The following KCNQ1 variants were observed in gnomAD, a reference collection of about 807,000 sequenced individuals.
KCNQ1 encodes potassium voltage-gated channel subfamily Q member 1, also known as potassium voltage-gated channel subfamily KQT member 1.
Under a neutral mutation model 72.4 loss-of-function variants are expected in KCNQ1, and 49 were observed. The ratio of observed to expected loss-of-function variants is 0.68; its 90% confidence interval spans 0.54 to 0.86. The LOEUF (loss-of-function observed/expected upper bound fraction) is 0.86. Ranked by LOEUF, KCNQ1 falls within the 40% of genes least tolerant of loss-of-function variation. The pLI is 0.00. For missense variants in KCNQ1, 790 were observed against 945.1 expected, an observed-to-expected ratio of 0.84 and a Z score of 2.15; for synonymous variants, 450 against 412.6, an observed-to-expected ratio of 1.09 and a Z score of -1.10.
intron 15 of KCNQ1, among the ~76,000 whole-genome samples, chr11:2,825,958 G>A (rs979242790): frequency 6.6e-6 from 1 of 152,142 alleles, no homozygotes; most frequent in Admixed American, 6.5e-5. Context: ...TGTCCCCATT[G>A]GCATGGTCTC....
chr11:2,527,124 G>A (rs993702690), intron 1 of KCNQ1, among the ~76,000 whole-genome samples: 3 of 152,196 alleles, frequency 2.0e-5, no homozygotes, highest in Admixed American at 1.3e-4. Flanking sequence ...TTTTCTCTGC[G>A]GGCCCACAGG....
chr11:2,471,705 GGT>G lies in KCNQ1; in HGVS notation c.386+26228_386+26229del, dbSNP rs922474195. Among the ~76,000 whole-genome samples, 156 of 149,962 alleles carry G rather than the reference GGT, an allele frequency of 1.0e-3. No homozygotes were observed. The highest frequency in any genetic ancestry group is 3.8e-3 in the African/African-American group (153 of 40,480). Reference sequence around the variant, plus strand: ...GTGTATGGGTGTGCATGTGTGTATAGGTGTGTGTATGTGTGCATGGGCGTGTG... The same window carrying G: ...GTGTATGGGTGTGCATGTGTGTATAGGTGTGTATGTGTGCATGGGCGTGTG... On this transcript the variant is annotated intron_variant, in intron 1 of 15. Coordinates refer to ENST00000155840, the MANE Select transcript of KCNQ1 (RefSeq NM_000218.3). The surrounding 1 kb of genome is among the most constrained non-coding windows in gnomAD (Gnocchi z 4.8).
chr11:2,801,242 G>A (rs1442403489), intron 15 of KCNQ1, among the ~76,000 whole-genome samples: 3 of 152,186 alleles, frequency 2.0e-5, no homozygotes, highest in Non-Finnish European at 4.4e-5. Context: ...GCTGTCTGTA[G>A]GTGGACTGGC....
At chr11:2,680,604 T>C (rs1196975658) in intron 11 of KCNQ1, 5 of 398,416 alleles carry the variant, frequency 1.3e-5, no homozygotes, top group African/African-American at 6.2e-5. Context: ...GATAGTAACA[T>C]CTTGCAAAAC....
rs947075234 is a variant in KCNQ1, at chr11:2,691,666, A to G, written c.1514+29585A>G. 12 of 398,470 alleles carry G rather than the reference A, an allele frequency of 3.0e-5. No individual in the cohort carries two copies. The highest frequency in any genetic ancestry group is 5.3e-5 in the Non-Finnish European group (12 of 226,088). 24.7% of individuals were successfully genotyped at this position (398,470 alleles called of 1,614,324 possible). A position where few individuals can be genotyped will look rare whatever the true frequency, so the allele number is the denominator to read the frequency against. The stretch of plus-strand genomic sequence containing the variant: ...ACCGCCACAGTTCCAAGGGTGAAAC[A>G]GAGAACCAGGTGGGGAAGGGGTCTC... On this transcript the variant is annotated intron_variant, in intron 11 of 15. Coordinates refer to ENST00000155840, the MANE Select transcript of KCNQ1 (RefSeq NM_000218.3). This position sits in a 1 kb window ranked among gnomAD's most constrained non-coding sequence, Gnocchi z 6.4.
chr11:2,633,768 T>A, intron 10 of KCNQ1: 1 of 398,588 alleles, frequency 2.5e-6, no homozygotes, highest in East Asian at 3.6e-5. Context: ...TTACCATTGT[T>A]TTGTATACAA....
At chr11:2,505,939 C>T (rs1007467059) in intron 1 of KCNQ1, among the ~76,000 whole-genome samples, 12 of 152,100 alleles carry the variant, frequency 7.9e-5, no homozygotes, top group African/African-American at 9.7e-5. Flanking sequence ...CTGCCACTGC[C>T]GATATCACCT....
At chr11:2,580,180 C>T (rs1033525767) in intron 6 of KCNQ1, among the ~76,000 whole-genome samples, 4 of 152,098 alleles carry the variant, frequency 2.6e-5, no homozygotes, top group African/African-American at 9.7e-5. Context: ...CACTGGCCTC[C>T]CCCAACTGCT....
At chr11:2,581,053 G>C (rs1451217424) in intron 6 of KCNQ1, among the ~76,000 whole-genome samples, 1 of 152,218 alleles carries the variant, frequency 6.6e-6, no homozygotes, top group Non-Finnish European at 1.5e-5. Flanking sequence ...GAATCAGCAT[G>C]TTCATACTGA....
rs1439697032 is a variant in KCNQ1, at chr11:2,579,366, G to C, written c.922-4069G>C. 6.6e-6 allele frequency among the ~76,000 whole-genome samples: 1 copy of C among 152,152 alleles called. No homozygotes were observed. Among genetic ancestry groups the C allele is most frequent in the African/African-American group, 2.4e-5 (1 of 41,448 alleles). The stretch of plus-strand genomic sequence containing the variant: ...CTGACCAGTGGGGTGTGCGTTCCCC[G>C]CTCGCCCCCACAGTTCCTGCCATGG... On this transcript the variant is annotated intron_variant, in intron 6 of 15. Transcript: ENST00000155840. This position sits in a 1 kb window ranked among gnomAD's most constrained non-coding sequence, Gnocchi z 6.0.
At position 2,661,310 on chromosome 11, in the gene KCNQ1, G is replaced by A. The variant is rs1849952025; in HGVS notation, c.1394-651G>A. 1 of 401,486 alleles carries A rather than the reference G, an allele frequency of 2.5e-6. No homozygotes were observed. The highest frequency in any genetic ancestry group is 4.4e-6 in the Non-Finnish European group (1 of 227,758). The allele number at this position is 401,486 out of a possible 1,614,324, so 24.9% of individuals were successfully genotyped here. On this transcript the variant is annotated intron_variant, in intron 10 of 15. Coordinates refer to ENST00000155840, the MANE Select transcript of KCNQ1 (RefSeq NM_000218.3). This position sits in a 1 kb window ranked among gnomAD's most constrained non-coding sequence, Gnocchi z 5.9. ...AATACTGATAGTGTCAACAGAGAGT[G>A]GGGAGTGATAAGGATCAGTATCCTG... is the stretch of plus-strand genomic sequence containing the variant.
At chr11:2,834,286 A>T (rs552793821) in intron 15 of KCNQ1, among the ~76,000 whole-genome samples, 80 of 152,258 alleles carry the variant, frequency 5.3e-4, no homozygotes, top group African/African-American at 1.9e-3. Context: ...CCATGTGTCC[A>T]GGTGGGGCAG....
rs1397759797 is a variant in KCNQ1 at position 2,471,804 on chromosome 11, AG to A, written c.386+26322del. ...TGATTGGGTGTGTGCATGTGTATAT[AG>A]GTGTGTGTGCACGTGTATGGGTGCG... On this transcript the variant is annotated intron_variant, in intron 1 of 15. Coordinates refer to ENST00000155840, the MANE Select transcript of KCNQ1 (RefSeq NM_000218.3). This position sits in a 1 kb window ranked among gnomAD's most constrained non-coding sequence, Gnocchi z 4.8. Among the ~76,000 whole-genome samples, 2 of 137,510 alleles carry A rather than the reference AG, an allele frequency of 1.5e-5. No homozygotes were observed. Among genetic ancestry groups the A allele is most frequent in the African/African-American group, 2.9e-5 (1 of 34,598 alleles). 90.2% of individuals were successfully genotyped at this position (137,510 alleles called of 152,430 possible).
chr11:2,845,208 C>A (rs1337291114), intron 15 of KCNQ1, among the ~76,000 whole-genome samples: 2 of 152,178 alleles, frequency 1.3e-5, no homozygotes, highest in Non-Finnish European at 2.9e-5. Context: ...TCCCAGAGGC[C>A]CCGCCCCACC....
In KCNQ1 at chr11:2,659,432, ATTAG is replaced by A. The variant is rs1404614177; in HGVS notation, c.1394-2525_1394-2522del. The A allele has an allele frequency of 2.5e-6, 1 of 398,620 alleles. No homozygotes were observed. The highest frequency in any genetic ancestry group is 1.3e-4 in the South Asian group (1 of 7,862). 24.7% of individuals were successfully genotyped at this position (398,620 alleles called of 1,614,324 possible). Reference sequence around the variant, plus strand: ...ATTCATCCATGTTGTTGCATAAATCATTAGTTAATTTCTTTTTATTGCTGGGTGG... The same window carrying A: ...ATTCATCCATGTTGTTGCATAAATCATTAATTTCTTTTTATTGCTGGGTGG... On this transcript the variant is annotated intron_variant, in intron 10 of 15. Transcript: ENST00000155840. The surrounding 1 kb of genome is among the most constrained non-coding windows in gnomAD (Gnocchi z 4.3).
At chr11:2,585,970 G>A (rs774204606) in intron 8 of KCNQ1, among the ~76,000 whole-genome samples, 1 of 152,210 alleles carries the variant, frequency 6.6e-6, no homozygotes, top group South Asian at 2.1e-4. Flanking sequence ...CTCTGTTAAC[G>A]TAAGCAAGGA....
At chr11:2,727,484 A>C (rs1845784198) in intron 11 of KCNQ1, among the ~76,000 whole-genome samples, 1 of 152,116 alleles carries the variant, frequency 6.6e-6, no homozygotes, top group African/African-American at 2.4e-5. Flanking sequence ...CCCAGACTCG[A>C]GGAATAAAGA....
At position 2,498,271 on chromosome 11, in the gene KCNQ1, G is replaced by A. The variant is rs1236939509; in HGVS notation, c.387-29657G>A. On this transcript the variant is annotated intron_variant, in intron 1 of 15. Coordinates refer to ENST00000155840, the MANE Select transcript of KCNQ1 (RefSeq NM_000218.3). This position sits in a 1 kb window ranked among gnomAD's most constrained non-coding sequence, Gnocchi z 4.8. Reference sequence around the variant, plus strand: ...CCAGCAGGCAGGAGAGTTCAAGTCTGCTGAAGCTGTGCCCACAGCCACCCC... The same window carrying A: ...CCAGCAGGCAGGAGAGTTCAAGTCTACTGAAGCTGTGCCCACAGCCACCCC... Among the ~76,000 whole-genome samples, 2 of 152,224 alleles carry A rather than the reference G, an allele frequency of 1.3e-5. 1 individual carries two copies. The highest frequency in any genetic ancestry group is 4.8e-5 in the African/African-American group (2 of 41,468).
chr11:2,758,042 G>C (rs1402742884), intron 11 of KCNQ1, among the ~76,000 whole-genome samples: 1 of 152,186 alleles, frequency 6.6e-6, no homozygotes, highest in Non-Finnish European at 1.5e-5. Flanking sequence ...AGCATGATCT[G>C]TTTAAGGAAA....
Sources: gnomAD v4.1 joint callset for allele counts (sites outside exome capture counted in the v4.1 genomes callset) on GRCh38, gnomAD v4.1.1 for gene constraint, Gnocchi (gnomAD v3.1) non-coding constraint, MANE v1.5 for transcripts, NCBI Gene and HGNC (gene_info 2026-07-23, HGNC 2026-07-21) for gene names.